The following GGH variants were observed in gnomAD, a reference collection of about 807,000 sequenced individuals.
GGH encodes gamma-glutamyl hydrolase, also known as gamma-Glu-X carboxypeptidase.
In GGH, 18 loss-of-function variants were observed where a neutral mutation model predicts 39.2. That is an observed-to-expected ratio of 0.46 (90% confidence interval 0.32 to 0.68). The LOEUF (loss-of-function observed/expected upper bound fraction) is 0.68. Ranked by LOEUF, GGH falls within the 30% of genes least tolerant of loss-of-function variation. The pLI, the probability that GGH is intolerant of heterozygous loss-of-function variation, is 0.04. For missense variants in GGH, 367 were observed against 384.1 expected, an observed-to-expected ratio of 0.96 and a Z score of 0.37; for synonymous variants, 147 against 138.8, an observed-to-expected ratio of 1.06 and a Z score of -0.42.
intron 7 of GGH, among the ~76,000 whole-genome samples, chr8:63,021,531 TG>T (rs1804584884): frequency 6.6e-6 from 1 of 152,160 alleles, no homozygotes; most frequent in Non-Finnish European, 1.5e-5. Flanking sequence ...GCCAATCTGA[TG>T]GGTATAAATG....
chr8:63,032,788 A>G (rs1804829960), intron 2 of GGH, among the ~76,000 whole-genome samples: 1 of 152,252 alleles, frequency 6.6e-6, no homozygotes, highest in Non-Finnish European at 1.5e-5. Flanking sequence ...CAATTTGGAA[A>G]TAAACCTGTA....
intron 2 of GGH, among the ~76,000 whole-genome samples, chr8:63,033,132 G>A (rs975603897): frequency 3.3e-5 from 5 of 152,140 alleles, no homozygotes; most frequent in African/African-American, 1.2e-4. Context: ...ATTAAGAGAA[G>A]GTTAAGTATT....
intron 5 of GGH, chr8:63,024,834 C>T (rs1282181420): frequency 6.6e-6 from 1 of 152,218 alleles, no homozygotes; most frequent in Non-Finnish European, 1.5e-5. Flanking sequence ...AACCACAGCA[C>T]CTTGAAACAT....
At chr8:63,026,030 A>G in intron 5 of GGH, 128 bp downstream of exon 5, 2 of 696,848 alleles carry the variant, frequency 2.9e-6, no homozygotes, top group South Asian at 2.1e-5. Flanking sequence ...TGCTAATGTC[A>G]TAAGCATTTT....
chr8:63,034,936 G>C (rs2129681791), intron 2 of GGH, among the ~76,000 whole-genome samples: 1 of 152,110 alleles, frequency 6.6e-6, no homozygotes, highest in African/African-American at 2.4e-5. Context: ...TTACATGCAT[G>C]AACTGTATAG....
chr8:63,035,787 G>C lies in GGH; in HGVS notation c.110-17C>G. ...TTAATATTCCTAATAACAAAAAAAA[G>C]TTTAGTTTCAAGCAAATTCCTTTTC... On this transcript the variant is annotated splice_polypyrimidine_tract_variant and intron_variant, in intron 1 of 8. Transcript: ENST00000260118. 1 of 1,592,152 alleles carries C rather than the reference G, an allele frequency of 6.3e-7. No homozygotes were observed. Among genetic ancestry groups the C allele is most frequent in the South Asian group, 1.2e-5 (1 of 86,744 alleles).
Position 63,035,612 on chromosome 8 carries a change from T to A in GGH, c.224+44A>T, listed in dbSNP as rs778297528. The A allele has an allele frequency of 8.3e-6, 13 of 1,569,118 alleles. No homozygotes were observed. In the East Asian group the frequency reaches 1.4e-4, roughly 17 times the overall value. On this transcript the variant is annotated intron_variant, in intron 2 of 8. Coordinates refer to ENST00000260118, the MANE Select transcript of GGH (RefSeq NM_003878.3). ...GAGGCACCGCACCCGTACGCAGCAA[T>A]TTTTTATACAGAGTAAAAAAAAAAA...
At chr8:63,016,317 T>C (rs1563665606) in intron 8 of GGH, among the ~76,000 whole-genome samples, 1 of 152,056 alleles carries the variant, frequency 6.6e-6, no homozygotes, top group East Asian at 1.9e-4. Flanking sequence ...GTATATGGGA[T>C]ACTTTTTTTT....
intron 1 of GGH, among the ~76,000 whole-genome samples, chr8:63,036,978 A>G (rs1316899701): frequency 6.6e-6 from 1 of 152,136 alleles, no homozygotes; most frequent in Non-Finnish European, 1.5e-5. Flanking sequence ...ACCCAGCCCC[A>G]GCAGAGTATA....
At chr8:63,030,328 T>C in intron 2 of GGH, 111 bp from the exon 3 acceptor site, 1 of 617,126 alleles carries the variant, frequency 1.6e-6, no homozygotes. Flanking sequence ...TTTTAATTAC[T>C]AGACAATATT....
At chr8:63,028,668 A>G (rs760185797) in intron 3 of GGH, among the ~76,000 whole-genome samples, 16 of 152,170 alleles carry the variant, frequency 1.1e-4, no homozygotes, top group South Asian at 1.0e-3. Flanking sequence ...TACATGAGAG[A>G]GAAAAGGGGC....
chr8:63,025,769 A>G (rs1233543633), intron 5 of GGH, among the ~76,000 whole-genome samples: 2 of 152,138 alleles, frequency 1.3e-5, no homozygotes, highest in Non-Finnish European at 2.9e-5. Context: ...ATTCACAAAA[A>G]AAACCCCTAA....
chr8:63,021,634 G>GT (rs1563667122), intron 7 of GGH, among the ~76,000 whole-genome samples: 2 of 131,682 alleles, frequency 1.5e-5, no homozygotes, highest in South Asian at 2.6e-4. Flanking sequence ...GGACAATCAA[G>GT]TTTTTTTGGA....
At chr8:63,037,790 T>C (rs1277064143) in intron 1 of GGH, among the ~76,000 whole-genome samples, 1 of 152,158 alleles carries the variant, frequency 6.6e-6, no homozygotes, top group African/African-American at 2.4e-5. Context: ...CAAATCACCA[T>C]GTTAAACAGC....
At chr8:63,027,080 G>T in intron 4 of GGH, 101 bp downstream of exon 4, 1 of 747,072 alleles carries the variant, frequency 1.3e-6, no homozygotes. Flanking sequence ...GAGGCTAAGG[G>T]TAATTTTGAA....
At chr8:63,032,560 G>T (rs1472348266) in intron 2 of GGH, among the ~76,000 whole-genome samples, 3 of 152,150 alleles carry the variant, frequency 2.0e-5, no homozygotes, top group African/African-American at 7.2e-5. Context: ...ATTTCAGAAT[G>T]CTTCCCAGGT....
intron 7 of GGH, among the ~76,000 whole-genome samples, chr8:63,020,995 AT>A (rs1307931205): frequency 6.6e-6 from 1 of 152,184 alleles, no homozygotes; most frequent in East Asian, 1.9e-4. Context: ...ACGAAACATG[AT>A]TAATACTTCC....
At chr8:63,022,678 C>CA (rs1804612919) in intron 7 of GGH, among the ~76,000 whole-genome samples, 1 of 143,538 alleles carries the variant, frequency 7.0e-6, no homozygotes, top group Non-Finnish European at 1.5e-5. Context: ...CCATGCCCAG[C>CA]TTTTTTTTTT....
intron 1 of GGH, among the ~76,000 whole-genome samples, chr8:63,037,330 C>T (rs892647827): frequency 6.6e-6 from 1 of 152,082 alleles, no homozygotes; most frequent in African/African-American, 2.4e-5. Flanking sequence ...TGAGGTACCA[C>T]AAAGGAGACA....
Sources: allele counts gnomAD v4.1 joint callset (sites outside exome capture counted in the v4.1 genomes callset), GRCh38; gene constraint gnomAD v4.1.1; transcripts MANE v1.5; gene names NCBI Gene and HGNC (gene_info 2026-07-23, HGNC 2026-07-21).